IL1RAPL1: variants seen among roughly 807,000 people sequenced by gnomAD.
IL1RAPL1 encodes the protein interleukin-1 receptor accessory protein-like 1.
Under a neutral mutation model 48.4 loss-of-function variants are expected in IL1RAPL1, and 3 were observed. The observed-to-expected ratio is 0.06, with a 90% CI of 0.03 to 0.16. The LOEUF is 0.16. Among genes scored for constraint, IL1RAPL1 ranks in the 10% least tolerant of loss-of-function variants. The pLI, the probability that IL1RAPL1 is intolerant of heterozygous loss-of-function variation, is 1.00. For missense variants in IL1RAPL1, 349 were observed against 530.6 expected, an observed-to-expected ratio of 0.66 and a Z score of 3.36; for synonymous variants, 185 against 187.7, an observed-to-expected ratio of 0.99 and a Z score of 0.12.
intron 3 of IL1RAPL1, among the ~76,000 whole-genome samples, chrX:29,319,516 T>TTGTATGTA (rs752096218): frequency 9.2e-4 from 84 of 91,193 alleles, no homozygotes; most frequent in African/African-American, 2.8e-3. Context: ...ATGTGATATT[T>TTGTATGTA]TGTATGTATG....
intron 2 of IL1RAPL1, among the ~76,000 whole-genome samples, chrX:29,241,699 A>G (rs1391511599): frequency 3.6e-5 from 4 of 112,287 alleles, no homozygotes; most frequent in South Asian, 3.7e-4. Flanking sequence ...TCTGAGTTCA[A>G]TTCCAATGGA....
At chrX:29,419,035 G>T (rs1239209159) in intron 5 of IL1RAPL1, among the ~76,000 whole-genome samples, 8 of 111,782 alleles carry the variant, frequency 7.2e-5, no homozygotes, top group African/African-American at 9.7e-5. Flanking sequence ...GTTCTTTAAA[G>T]ATCTGTATTT....
chrX:29,814,272 C>G (rs1171256833), intron 6 of IL1RAPL1, among the ~76,000 whole-genome samples: 1 of 111,615 alleles, frequency 9.0e-6, no homozygotes, highest in Non-Finnish European at 1.9e-5. Flanking sequence ...TTTAATAAAG[C>G]CAATCTGACT....
rs748176963 is a variant in IL1RAPL1, at chrX:29,625,829, A to C, written c.704-42601A>C. On this transcript the variant is annotated intron_variant, in intron 5 of 10. Coordinates refer to ENST00000378993, the MANE Select transcript of IL1RAPL1 (RefSeq NM_014271.4). Reference sequence around the variant, plus strand: ...TGATGATCCTTCCATGTGATTTGAAAGGACAGAGGGGTAGCTTTTTCTGGC... The same window carrying C: ...TGATGATCCTTCCATGTGATTTGAACGGACAGAGGGGTAGCTTTTTCTGGC... Among the ~76,000 whole-genome samples the C allele has an allele frequency of 1.8e-3, 205 of 112,025 alleles. 1 individual carries two copies. The highest frequency in any genetic ancestry group is 6.2e-3 in the African/African-American group (191 of 30,887).
Position 28,590,087 on chromosome X carries a change from T to G in IL1RAPL1, c.-25+2040T>G, listed in dbSNP as rs73205755. ...CTGCAGAATAAAATGTCATTTTCCC[T>G]CATGTTTTATCTGGAGTTGTGATTT... On this transcript the variant is annotated intron_variant, in intron 1 of 10. Transcript: ENST00000378993. Among the ~76,000 whole-genome samples the G allele has an allele frequency of 9.9e-4, 111 of 111,752 alleles. 1 individual carries two copies. Among genetic ancestry groups the G allele is most frequent in the African/African-American group, 1.8e-3 (56 of 30,811 alleles).
chrX:28,997,814 A>G (rs1925757352), intron 2 of IL1RAPL1, among the ~76,000 whole-genome samples: 1 of 111,017 alleles, frequency 9.0e-6, no homozygotes, highest in African/African-American at 3.3e-5. Flanking sequence ...TATTCCAGGC[A>G]ATAGTAAATA....
intron 5 of IL1RAPL1, among the ~76,000 whole-genome samples, chrX:29,409,676 G>A (rs1387064624): frequency 9.0e-6 from 1 of 111,466 alleles, no homozygotes; most frequent in Non-Finnish European, 1.9e-5. Flanking sequence ...TAGCAAGGTT[G>A]GAATGTGCCA....
At chrX:29,428,868 AC>A (rs1169529123) in intron 5 of IL1RAPL1, among the ~76,000 whole-genome samples, 1 of 111,498 alleles carries the variant, frequency 9.0e-6, no homozygotes, top group Non-Finnish European at 1.9e-5. Context: ...CATACCCCTT[AC>A]CATCATCTGT....
intron 1 of IL1RAPL1, among the ~76,000 whole-genome samples, chrX:28,625,145 C>T: frequency 8.9e-6 from 1 of 111,805 alleles, no homozygotes. Flanking sequence ...TCAATTGCAG[C>T]ACTGTAACTA....
At chrX:28,623,736 G>A (rs972134739) in intron 1 of IL1RAPL1, among the ~76,000 whole-genome samples, 5 of 111,668 alleles carry the variant, frequency 4.5e-5, no homozygotes, top group Non-Finnish European at 1.9e-5. Context: ...AAGAGCAATT[G>A]CAAAGTCCTG....
At chrX:29,081,227 C>T (rs1197779685) in intron 2 of IL1RAPL1, among the ~76,000 whole-genome samples, 1 of 90,388 alleles carries the variant, frequency 1.1e-5, no homozygotes, top group African/African-American at 4.9e-5. Context: ...CTAATTTTTG[C>T]GTATTTTTAG....
chrX:29,685,283 ACC>A (rs1465385844), intron 6 of IL1RAPL1, among the ~76,000 whole-genome samples: 1 of 110,424 alleles, frequency 9.1e-6, no homozygotes, highest in East Asian at 2.9e-4. Flanking sequence ...TGGGCAGATC[ACC>A]TGAGGTCAGG....
Position 29,616,610 on chromosome X carries a change from G to T in IL1RAPL1, c.704-51820G>T, listed in dbSNP as rs1473690876. 2.7e-5 allele frequency among the ~76,000 whole-genome samples: 3 copies of T among 109,577 alleles called. No individual in the cohort carries two copies. The East Asian group carries it at 8.7e-4, about 32-fold the overall frequency. On this transcript the variant is annotated intron_variant, in intron 5 of 10. Coordinates refer to ENST00000378993, the MANE Select transcript of IL1RAPL1 (RefSeq NM_014271.4). ...TTTTTTGTCCTTGTAGTAGTTTGCT[G>T]AGAATGATGGTTTCCAGCTTCATCC...
At chrX:29,766,342 A>AAATATAT (rs1200679211) in intron 6 of IL1RAPL1, among the ~76,000 whole-genome samples, 2 of 47,542 alleles carry the variant, frequency 4.2e-5, no homozygotes, top group African/African-American at 1.8e-4. Flanking sequence ...AAAAAAAAAA[A>AAATATAT]ATATATATAT....
At chrX:29,615,961 A>G (rs1442923438) in intron 5 of IL1RAPL1, among the ~76,000 whole-genome samples, 2 of 111,142 alleles carry the variant, frequency 1.8e-5, no homozygotes, top group East Asian at 5.7e-4. Flanking sequence ...TCTCACTGCT[A>G]GATTGTGGGC....
intron 1 of IL1RAPL1, among the ~76,000 whole-genome samples, chrX:28,765,084 A>T (rs1352415426): frequency 1.0e-5 from 1 of 100,072 alleles, no homozygotes; most frequent in Non-Finnish European, 2.0e-5. Context: ...GTTCTCACTC[A>T]TAGGTGGGAA....
chrX:29,780,286 TTATC>T (rs1929307816), intron 6 of IL1RAPL1, among the ~76,000 whole-genome samples: 1 of 112,225 alleles, frequency 8.9e-6, no homozygotes, highest in African/African-American at 3.2e-5. Context: ...AAAATTGAAA[TTATC>T]TAATCTGCAT....
intron 6 of IL1RAPL1, among the ~76,000 whole-genome samples, chrX:29,894,141 G>T (rs757074366): frequency 2.2e-4 from 25 of 111,749 alleles, no homozygotes; most frequent in Non-Finnish European, 4.5e-4. Flanking sequence ...ATAATACTTC[G>T]CAGTAAGGGC....
In IL1RAPL1 at chrX:29,076,224, A is replaced by G. The variant is rs763985564; in HGVS notation, c.83-206714A>G. 6.2e-5 allele frequency among the ~76,000 whole-genome samples: 7 copies of G among 112,065 alleles called. No homozygotes were observed. In the South Asian group the frequency reaches 2.6e-3, roughly 42 times the overall value. Reference sequence around the variant, plus strand: ...TCTTTCTAACTTTTAGTAATTGTCAATAACACTTATATTACTTAAAATCTT... The same window carrying G: ...TCTTTCTAACTTTTAGTAATTGTCAGTAACACTTATATTACTTAAAATCTT... On this transcript the variant is annotated intron_variant, in intron 2 of 10. Transcript: ENST00000378993.
Sources: gnomAD v4.1 joint callset for allele counts (sites outside exome capture counted in the v4.1 genomes callset) on GRCh38, gnomAD v4.1.1 for gene constraint, MANE v1.5 for transcripts, NCBI Gene and HGNC (gene_info 2026-07-23, HGNC 2026-07-21) for gene names.